The following DNAAF4 variants were observed in gnomAD, a reference collection of about 807,000 sequenced individuals.
DNAAF4 encodes dynein axonemal assembly factor 4.
In DNAAF4, 43 loss-of-function variants were observed where a neutral mutation model predicts 51.8. The ratio of observed to expected loss-of-function variants is 0.83; its 90% confidence interval spans 0.65 to 1.07. The LOEUF (loss-of-function observed/expected upper bound fraction) is 1.07. Among genes scored for constraint, DNAAF4 ranks in the 50% least tolerant of loss-of-function variants. The probability of loss-of-function intolerance (pLI) is 0.00; values close to 1 mark genes in which losing one functional copy is unlikely to be tolerated. For missense variants in DNAAF4, 581 were observed against 493.0 expected (o/e 1.18, Z -1.69); for synonymous variants, 194 against 165.6 (o/e 1.17, Z -1.32).
intron 3 of DNAAF4, among the ~76,000 whole-genome samples, chr15:55,491,928 C>G (rs1207260118): frequency 1.3e-5 from 2 of 150,940 alleles, no homozygotes; most frequent in Non-Finnish European, 2.9e-5. Context: ...GCAATCACAG[C>G]TTAATGTAAC....
rs1162485238 is a variant in DNAAF4, at chr15:55,469,474, CTTTTTTTTTTTT to C, written c.406-2325_406-2314del. On this transcript the variant is annotated intron_variant, in intron 4 of 9. Transcript: ENST00000321149. ...TGGGTTTCTCCTATGCTTACCAATT[CTTTTTTTTTTTT>C]TTTTTTTTTTTTTTGAGACGGAGTC... Among the ~76,000 whole-genome samples the C allele has an allele frequency of 2.3e-4, 15 of 66,272 alleles. 1 individual carries two copies. Among genetic ancestry groups the C allele is most frequent in the African/African-American group, 8.9e-4 (14 of 15,684 alleles). 43.5% of individuals were successfully genotyped at this position (66,272 alleles called of 152,430 possible). A position where few individuals can be genotyped will look rare whatever the true frequency, so the allele number is the denominator to read the frequency against.
At chr15:55,453,003 T>C (rs571290464) in intron 5 of DNAAF4, among the ~76,000 whole-genome samples, 9 of 152,222 alleles carry the variant, frequency 5.9e-5, no homozygotes, top group African/African-American at 2.2e-4. Flanking sequence ...TTTTTTTGTA[T>C]TTTTAGTAGA....
rs1418657871 is a variant in DNAAF4, at chr15:55,442,443, GA to G, written c.784-2863del. Among the ~76,000 whole-genome samples the G allele has an allele frequency of 3.3e-5, 5 of 152,330 alleles. No individual in the cohort carries two copies. In the South Asian group the frequency reaches 6.2e-4, roughly 19 times the overall value. On this transcript the variant is annotated intron_variant, in intron 6 of 9. Coordinates refer to ENST00000321149, the MANE Select transcript of DNAAF4 (RefSeq NM_130810.4). ...CTGAGAGTTGTCGAAATGCTCGCAG[GA>G]AGTGTTTCTGTGTTAAAAAGTTGGG...
downstream of DNAAF4, among the ~76,000 whole-genome samples, chr15:55,427,855 G>T (rs4303428): frequency 2.7e-5 from 4 of 149,928 alleles, no homozygotes; most frequent in East Asian, 2.0e-4. Context: ...GGCTGGTCTC[G>T]AACTCCCGAC....
At chr15:55,436,190 C>G (rs1190951269) in intron 7 of DNAAF4, among the ~76,000 whole-genome samples, 3 of 152,166 alleles carry the variant, frequency 2.0e-5, no homozygotes, top group African/African-American at 7.2e-5. Context: ...TCCACATCCT[C>G]ACTAACACTT....
chr15:55,479,577 A>T (rs754103813), intron 4 of DNAAF4, among the ~76,000 whole-genome samples: 2 of 147,680 alleles, frequency 1.4e-5, no homozygotes, highest in Admixed American at 1.3e-4. Context: ...ATAAGGTCTG[A>T]CTGTCTGTGG....
In DNAAF4 at chr15:55,469,036, CAG is replaced by C. The variant is rs1290187378; in HGVS notation, c.406-1877_406-1876del. 5.3e-5 allele frequency among the ~76,000 whole-genome samples: 8 copies of C among 152,124 alleles called. No homozygotes were observed. In the East Asian group the frequency reaches 1.6e-3, roughly 29 times the overall value. On this transcript the variant is annotated intron_variant, in intron 4 of 9. Transcript: ENST00000321149. Reference sequence around the variant, plus strand: ...AGAGACTACATGTACCAAAGAAAAACAGAGTGTACAGTGACCGGGCGCGGTGG... The same window carrying C: ...AGAGACTACATGTACCAAAGAAAAACAGTGTACAGTGACCGGGCGCGGTGG...
At chr15:55,492,027 T>A (rs1172134631) in intron 3 of DNAAF4, among the ~76,000 whole-genome samples, 1 of 150,880 alleles carries the variant, frequency 6.6e-6, no homozygotes, top group Non-Finnish European at 1.5e-5. Flanking sequence ...TGGCTAATTT[T>A]TAAATTTTAT....
chr15:55,483,173 T>C (rs1265452695), intron 4 of DNAAF4, among the ~76,000 whole-genome samples: 1 of 152,140 alleles, frequency 6.6e-6, no homozygotes, highest in African/African-American at 2.4e-5. Flanking sequence ...CTCGGCTCAA[T>C]GCAACCTCTG....
At chr15:55,420,314 A>T (rs1407413728) in intron 7 of DNAAF4, among the ~76,000 whole-genome samples, 1 of 151,122 alleles carries the variant, frequency 6.6e-6, no homozygotes, top group East Asian at 1.9e-4. Flanking sequence ...GTGACAGGCT[A>T]CACAATTCTT....
At chr15:55,463,170 T>TCACACACA (rs754178816) in intron 5 of DNAAF4, among the ~76,000 whole-genome samples, 3,605 of 119,942 alleles carry the variant, frequency 0.03, 56 homozygotes, top group Non-Finnish European at 0.038. Flanking sequence ...TGAGACTCTG[T>TCACACACA]CTCACACACA....
At chr15:55,454,752 G>C (rs2057991523) in intron 5 of DNAAF4, among the ~76,000 whole-genome samples, 1 of 152,132 alleles carries the variant, frequency 6.6e-6, no homozygotes, top group Non-Finnish European at 1.5e-5. Context: ...AGTTCTCTGA[G>C]TGACAGTATG....
At chr15:55,450,467 TAA>T in intron 5 of DNAAF4, 100 bp from the exon 6 acceptor site, 1 of 1,268,008 alleles carries the variant, frequency 7.9e-7, no homozygotes. Context: ...CCCCAAATCC[TAA>T]ACAAATAAAT....
downstream of DNAAF4, among the ~76,000 whole-genome samples, chr15:55,425,566 T>C (rs1184999363): frequency 1.9e-5 from 2 of 102,718 alleles, no homozygotes; most frequent in African/African-American, 3.7e-5. Context: ...TTATTATAAG[T>C]TACTGAGTAA....
At chr15:55,502,745 A>G (rs2058706313) in intron 1 of DNAAF4, among the ~76,000 whole-genome samples, 1 of 152,222 alleles carries the variant, frequency 6.6e-6, no homozygotes, top group African/African-American at 2.4e-5. Flanking sequence ...GACACAACGT[A>G]CCAGAATCTC....
chr15:55,418,832 C>A, intron 7 of DNAAF4: 1 of 290,002 alleles, frequency 3.4e-6, no homozygotes, highest in East Asian at 6.6e-5. Context: ...ATTTACTTAT[C>A]TATTGAGTAT....
intron 5 of DNAAF4, among the ~76,000 whole-genome samples, chr15:55,455,369 T>C (rs1238123711): frequency 1.5e-5 from 2 of 136,048 alleles, no homozygotes; most frequent in East Asian, 2.2e-4. Context: ...CAACTGCTTA[T>C]AAAATATTAG....
intron 4 of DNAAF4, among the ~76,000 whole-genome samples, chr15:55,473,780 C>G (rs1014411430): frequency 6.6e-6 from 1 of 152,002 alleles, no homozygotes; most frequent in Non-Finnish European, 1.5e-5. Flanking sequence ...CACCTGAGGT[C>G]AGGAGTTCGA....
chr15:55,489,300 T>C (rs1595949847), intron 4 of DNAAF4, among the ~76,000 whole-genome samples: 1 of 146,690 alleles, frequency 6.8e-6, no homozygotes, highest in East Asian at 1.9e-4. Flanking sequence ...GCTGTGATCA[T>C]ACAATAAAGA....
Sources: gnomAD v4.1 joint callset for allele counts (sites outside exome capture counted in the v4.1 genomes callset) on GRCh38, gnomAD v4.1.1 for gene constraint, MANE v1.5 for transcripts, NCBI Gene and HGNC (gene_info 2026-07-23, HGNC 2026-07-21) for gene names.